CSMD1: variants seen among roughly 807,000 people sequenced by gnomAD.
The protein encoded by CSMD1 is CUB and Sushi multiple domains 1, also known as CUB and sushi domain-containing protein 1.
In CSMD1, 213 loss-of-function variants were observed where a neutral mutation model predicts 417.5. The ratio of observed to expected loss-of-function variants is 0.51; its 90% confidence interval spans 0.46 to 0.57. The LOEUF (loss-of-function observed/expected upper bound fraction) is 0.57. Among genes scored for constraint, CSMD1 ranks in the 20% least tolerant of loss-of-function variants. The probability of loss-of-function intolerance (pLI) is 0.00; values close to 1 mark genes in which losing one functional copy is unlikely to be tolerated. For missense variants in CSMD1, 6,923 were observed against 4,529.7 expected (o/e 1.53, Z -15.17); for synonymous variants, 2,862 against 1,736.8 (o/e 1.65, Z -16.11).
chr8:3,415,569 C>T lies in CSMD1; in HGVS notation c.1562-5964G>A, dbSNP rs192790291. ...CGATGGAGTTTCACCATGTTGGCCA[C>T]GCTGGTCTCCAACTCCTGGCCTCAA... is the stretch of plus-strand genomic sequence containing the variant. On this transcript the variant is annotated intron_variant, in intron 12 of 69. Coordinates refer to ENST00000635120, the MANE Select transcript of CSMD1 (RefSeq NM_033225.6). 3.3e-5 allele frequency among the ~76,000 whole-genome samples: 5 copies of T among 152,266 alleles called. No homozygotes were observed. The East Asian group carries it at 5.8e-4, about 18-fold the overall frequency.
chr8:4,312,149 A>C (rs1798619398), intron 3 of CSMD1, among the ~76,000 whole-genome samples: 1 of 151,952 alleles, frequency 6.6e-6, no homozygotes, highest in South Asian at 2.1e-4. Context: ...TTATCTTTAC[A>C]CACGCTTCCT....
intron 5 of CSMD1, among the ~76,000 whole-genome samples, chr8:3,932,474 T>G (rs531266946): frequency 2.7e-5 from 4 of 150,650 alleles, no homozygotes; most frequent in Non-Finnish European, 4.4e-5. Context: ...GACCTTGATA[T>G]GTAGGACCTT....
chr8:4,726,587 A>G (rs1748367767), intron 1 of CSMD1, among the ~76,000 whole-genome samples: 1 of 152,156 alleles, frequency 6.6e-6, no homozygotes, highest in Admixed American at 6.6e-5. Flanking sequence ...TGAGACGTCT[A>G]GGGCCTCCCA....
At chr8:4,651,653 TTC>T (rs1462316214) in intron 1 of CSMD1, among the ~76,000 whole-genome samples, 1 of 152,220 alleles carries the variant, frequency 6.6e-6, no homozygotes, top group Non-Finnish European at 1.5e-5. Flanking sequence ...TCTGGGATAA[TTC>T]TCTTTCAATT....
intron 2 of CSMD1, among the ~76,000 whole-genome samples, chr8:4,542,527 C>T (rs1480845440): frequency 6.6e-6 from 1 of 152,138 alleles, no homozygotes; most frequent in Admixed American, 6.5e-5. Context: ...TTTATGAATG[C>T]TGTTGCAAAT....
intron 3 of CSMD1, among the ~76,000 whole-genome samples, chr8:4,204,454 C>G (rs1205212675): frequency 1.3e-5 from 2 of 152,154 alleles, no homozygotes; most frequent in Non-Finnish European, 2.9e-5. Context: ...CCTTCATGAA[C>G]ACCTGAGATT....
At chr8:4,319,743 G>A (rs193276641) in intron 3 of CSMD1, among the ~76,000 whole-genome samples, 2 of 152,206 alleles carry the variant, frequency 1.3e-5, no homozygotes, top group East Asian at 1.9e-4. Flanking sequence ...GACTTGCCGG[G>A]GGGCCAAAGG....
intron 2 of CSMD1, among the ~76,000 whole-genome samples, chr8:4,536,344 T>C (rs1049183529): frequency 6.6e-6 from 1 of 152,224 alleles, no homozygotes; most frequent in African/African-American, 2.4e-5. Flanking sequence ...ATTTCCTGTG[T>C]GTAATATTTA....
chr8:4,514,327 C>A (rs935839978), intron 2 of CSMD1, among the ~76,000 whole-genome samples: 26 of 152,124 alleles, frequency 1.7e-4, no homozygotes, highest in Non-Finnish European at 2.5e-4. Flanking sequence ...TTTAGAGACC[C>A]TCTCTCCATA....
chr8:4,491,626 A>G (rs1182531861), intron 2 of CSMD1, among the ~76,000 whole-genome samples: 1 of 152,204 alleles, frequency 6.6e-6, no homozygotes, highest in East Asian at 1.9e-4. Context: ...AGAGTAAATA[A>G]GCATATGAAA....
intron 1 of CSMD1, among the ~76,000 whole-genome samples, chr8:4,978,008 C>T (rs778850328): frequency 1.3e-5 from 2 of 152,276 alleles, no homozygotes; most frequent in Non-Finnish European, 2.9e-5. Context: ...TGTGCTTGGC[C>T]ACAATCGATG....
chr8:4,368,088 T>C (rs1802190918), intron 3 of CSMD1, among the ~76,000 whole-genome samples: 1 of 152,164 alleles, frequency 6.6e-6, no homozygotes, highest in African/African-American at 2.4e-5. Flanking sequence ...GTCTCATTCC[T>C]GTTCTCAAGG....
At chr8:3,127,649 G>C (rs1817577945) in intron 41 of CSMD1, 1 of 151,988 alleles carries the variant, frequency 6.6e-6, no homozygotes, top group Non-Finnish European at 1.5e-5. Flanking sequence ...AATGGTGTTT[G>C]GCACACATAG....
At chr8:4,879,443 G>T (rs1015594453) in intron 1 of CSMD1, among the ~76,000 whole-genome samples, 1 of 152,086 alleles carries the variant, frequency 6.6e-6, no homozygotes, top group Non-Finnish European at 1.5e-5. Flanking sequence ...AAGTTTAGGG[G>T]ATCGGGAAGA....
chr8:3,087,578 A>C (rs1814635138), intron 48 of CSMD1, among the ~76,000 whole-genome samples: 1 of 152,246 alleles, frequency 6.6e-6, no homozygotes, highest in African/African-American at 2.4e-5. Flanking sequence ...TCCCTGGGAC[A>C]CACTGGAAGA....
At chr8:3,199,477 A>T (rs1796874688) in intron 33 of CSMD1, among the ~76,000 whole-genome samples, 2 of 152,204 alleles carry the variant, frequency 1.3e-5, no homozygotes, top group Non-Finnish European at 2.9e-5. Flanking sequence ...ATTCCCTTCT[A>T]GTGCCTGATA....
At chr8:3,157,015 T>C (rs1413958256) in intron 39 of CSMD1, among the ~76,000 whole-genome samples, 1 of 140,818 alleles carries the variant, frequency 7.1e-6, no homozygotes, top group African/African-American at 2.6e-5. Context: ...AAAAGCAGGA[T>C]ACTGCTAATA....
chr8:4,564,767 A>T (rs998469619), intron 2 of CSMD1, among the ~76,000 whole-genome samples: 7 of 152,222 alleles, frequency 4.6e-5, no homozygotes, highest in African/African-American at 1.7e-4. Context: ...ACTGTCATCA[A>T]AAAAGAAATC....
intron 12 of CSMD1, among the ~76,000 whole-genome samples, chr8:3,426,941 G>C (rs569786644): frequency 4.4e-4 from 67 of 152,256 alleles, no homozygotes; most frequent in African/African-American, 1.5e-3. Flanking sequence ...ACTTACAATC[G>C]TGGTGGAAGG....
Sources: allele counts gnomAD v4.1 joint callset (sites outside exome capture counted in the v4.1 genomes callset), GRCh38; gene constraint gnomAD v4.1.1; transcripts MANE v1.5; gene names NCBI Gene and HGNC (gene_info 2026-07-23, HGNC 2026-07-21).